TENM2: variants seen among roughly 807,000 people sequenced by gnomAD.
The protein encoded by TENM2 is teneurin-2.
Under a neutral mutation model 245.2 loss-of-function variants are expected in TENM2, and 52 were observed. That is an observed-to-expected ratio of 0.21 (90% CI 0.17 to 0.27). TENM2 has a LOEUF of 0.27. Among genes scored for constraint, TENM2 ranks in the 10% least tolerant of loss-of-function variants. TENM2 has a pLI of 1.00. For synonymous variants in TENM2, 1,363 were observed against 1,438.9 expected (o/e 0.95, Z 1.19); for missense variants, 3,046 against 3,666.8 (o/e 0.83, Z 4.37).
At chr5:167,029,409 A>C in the TENM2 span, among the ~76,000 whole-genome samples, 127,018 of 152,074 alleles carry the variant, frequency 0.84, 53,545 homozygotes, top group Admixed American at 0.91. Flanking sequence ...CCAATAGTTA[A>C]GGTGAAATTG....
chr5:167,457,641 C>T (rs1204302830), intron 2 of TENM2, among the ~76,000 whole-genome samples: 2 of 151,958 alleles, frequency 1.3e-5, no homozygotes, highest in East Asian at 1.9e-4. Flanking sequence ...CTACCACGCC[C>T]GACCAGCCTT....
intron 2 of TENM2, among the ~76,000 whole-genome samples, chr5:167,824,545 C>A (rs1767803304): frequency 6.6e-6 from 1 of 152,174 alleles, no homozygotes; most frequent in Non-Finnish European, 1.5e-5. Context: ...CAGAACATGG[C>A]AGATGCTTAG....
chr5:167,263,124 C>T, the TENM2 span, among the ~76,000 whole-genome samples: 692 of 152,122 alleles, frequency 4.5e-3, 3 homozygotes, highest in Non-Finnish European at 8.9e-3. Flanking sequence ...GGAGGGGGTA[C>T]AAATATTCAG....
intron 5 of TENM2, among the ~76,000 whole-genome samples, chr5:168,026,676 ACT>A: frequency 6.6e-6 from 1 of 152,250 alleles, no homozygotes; most frequent in Middle Eastern, 3.4e-3. Flanking sequence ...CCTCACTGCG[ACT>A]CAGTTTCCTC....
At position 167,755,057 on chromosome 5, in the gene TENM2, G is replaced by A. The variant is rs532168555; in HGVS notation, c.503-120929G>A. 1.3e-5 allele frequency: 21 copies of A among 1,597,536 alleles called. No homozygotes were observed. In the South Asian group the frequency reaches 2.1e-4, roughly 16 times the overall value. On this transcript the variant is annotated intron_variant, in intron 2 of 28. Transcript: ENST00000518659. ...GGCCCACTCCCAGCTTACGCCGATG[G>A]TGAGCCCACCTCTCCTGATCATTAG...
rs1253809733 is a variant in TENM2 at position 167,929,063 on chromosome 5, AAGAAAGAAAGAAAGAAAGAAAGAAAG to A, written c.713-23523_713-23498del. Reference sequence around the variant, plus strand: ...AAAAGAAAAAAGAAAGAAAGAGAGAAAGAAAGAAAGAAAGAAAGAAAGAAAGAAAGAAAGAAAGAAAGAAAGAAAGA... The same window carrying A: ...AAAAGAAAAAAGAAAGAAAGAGAGAAAAAGAAAGAAAGAAAGAAAGAAAGA... On this transcript the variant is annotated intron_variant, in intron 3 of 28. Coordinates refer to ENST00000518659, the Ensembl canonical transcript of TENM2. Among the ~76,000 whole-genome samples, 20 of 19,354 alleles carry A rather than the reference AAGAAAGAAAGAAAGAAAGAAAGAAAG, an allele frequency of 1.0e-3. No individual in the cohort carries two copies. In the East Asian group the frequency reaches 0.016, roughly 15 times the overall value. The allele number at this position is 19,354 out of a possible 152,430, so 12.7% of individuals were successfully genotyped here.
intron 2 of TENM2, among the ~76,000 whole-genome samples, chr5:167,601,519 A>C (rs1373980077): frequency 6.6e-6 from 1 of 152,238 alleles, no homozygotes; most frequent in Non-Finnish European, 1.5e-5. Flanking sequence ...AGTTTAATTT[A>C]ACATTTACTC....
chr5:167,597,822 C>T (rs1430776514), intron 2 of TENM2, among the ~76,000 whole-genome samples: 1 of 152,194 alleles, frequency 6.6e-6, no homozygotes, highest in African/African-American at 2.4e-5. Context: ...CTCATTCTCT[C>T]ATAATTACCC....
intron 2 of TENM2, among the ~76,000 whole-genome samples, chr5:167,767,501 A>G (rs965269621): frequency 6.6e-6 from 1 of 152,216 alleles, no homozygotes; most frequent in African/African-American, 2.4e-5. Flanking sequence ...AACAGTGTGA[A>G]TGTACTTAAT....
intron 5 of TENM2, among the ~76,000 whole-genome samples, chr5:167,994,977 G>T (rs1448468048): frequency 2.6e-5 from 4 of 152,144 alleles, no homozygotes; most frequent in Non-Finnish European, 5.9e-5. Context: ...GTGCCTTCGG[G>T]GTCTTTTCAT....
intron 2 of TENM2, among the ~76,000 whole-genome samples, chr5:167,784,665 T>C (rs1244378570): frequency 1.3e-5 from 2 of 152,222 alleles, no homozygotes; most frequent in Non-Finnish European, 2.9e-5. Flanking sequence ...AAAACCATGT[T>C]TTCCTGTCAG....
At chr5:167,391,323 A>G (rs180748650) in intron 2 of TENM2, among the ~76,000 whole-genome samples, 138 of 152,202 alleles carry the variant, frequency 9.1e-4, no homozygotes, top group Non-Finnish European at 1.5e-3. Flanking sequence ...AGTAGTTGAG[A>G]AAAGAAAAGC....
intron 2 of TENM2, among the ~76,000 whole-genome samples, chr5:167,718,010 C>A (rs887835088): frequency 6.6e-6 from 1 of 152,176 alleles, no homozygotes; most frequent in Admixed American, 6.5e-5. Context: ...AATAGGTGAT[C>A]TTTGAAGGTC....
At chr5:168,007,382 G>A (rs914258971) in intron 5 of TENM2, among the ~76,000 whole-genome samples, 1 of 152,126 alleles carries the variant, frequency 6.6e-6, no homozygotes, top group Non-Finnish European at 1.5e-5. Flanking sequence ...GCCCACCTTG[G>A]CCTCCTAAAG....
At chr5:167,114,569 G>T in the TENM2 span, among the ~76,000 whole-genome samples, 2 of 152,094 alleles carry the variant, frequency 1.3e-5, no homozygotes, top group Non-Finnish European at 2.9e-5. Flanking sequence ...ATATGTGTTA[G>T]AATTTTTCAT....
At chr5:167,578,440 A>G (rs753222477) in intron 2 of TENM2, among the ~76,000 whole-genome samples, 3 of 152,140 alleles carry the variant, frequency 2.0e-5, no homozygotes, top group Non-Finnish European at 4.4e-5. Context: ...AATTATTGCA[A>G]TTTCTTGTTT....
At chr5:167,681,283 A>G (rs934690764) in intron 2 of TENM2, among the ~76,000 whole-genome samples, 50 of 152,266 alleles carry the variant, frequency 3.3e-4, no homozygotes, top group African/African-American at 1.2e-3. Flanking sequence ...ATTATACACT[A>G]CATATAGTTG....
chr5:168,123,206 G>A (rs1795598978), intron 10 of TENM2, among the ~76,000 whole-genome samples: 1 of 152,012 alleles, frequency 6.6e-6, no homozygotes, highest in South Asian at 2.1e-4. Flanking sequence ...GACTAAGGCA[G>A]TAGGATCACT....
exon 14 of TENM2, chr5:168,190,480 C>T (rs748698315): frequency 2.5e-6 from 4 of 1,613,976 alleles, no homozygotes; most frequent in South Asian, 1.1e-5. Flanking sequence ...CTTCTATGAC[C>T]GTATCAAGCT....
Sources: allele counts gnomAD v4.1 joint callset (sites outside exome capture counted in the v4.1 genomes callset), GRCh38; gene constraint gnomAD v4.1.1; transcripts MANE v1.5; gene names NCBI Gene and HGNC (gene_info 2026-07-23, HGNC 2026-07-21).